Variants in TRHDE observed in about 807,000 individuals in gnomAD.
The protein encoded by TRHDE is thyrotropin-releasing hormone-degrading ectoenzyme.
In TRHDE, 72 loss-of-function variants were observed where a neutral mutation model predicts 125.7. The ratio of observed to expected loss-of-function variants is 0.57; its 90% CI spans 0.47 to 0.70. The LOEUF (loss-of-function observed/expected upper bound fraction) is 0.70. Ranked by LOEUF, TRHDE falls within the 30% of genes least tolerant of loss-of-function variation. TRHDE has a pLI of 0.00. For synonymous variants in TRHDE, 509 were observed against 509.1 expected, an observed-to-expected ratio of 1.00 and a Z score of 0.00; for missense variants, 1,110 against 1,327.1, an observed-to-expected ratio of 0.84 and a Z score of 2.54.
chr12:72,294,867 A>G (rs1029600369), intron 2 of TRHDE, among the ~76,000 whole-genome samples: 2 of 151,930 alleles, frequency 1.3e-5, no homozygotes, highest in African/African-American at 4.8e-5. Flanking sequence ...GTGAGGTGGC[A>G]GGGAGCTGGA....
chr12:72,405,573 T>A (rs578242895), intron 3 of TRHDE, among the ~76,000 whole-genome samples: 2 of 152,168 alleles, frequency 1.3e-5, no homozygotes, highest in African/African-American at 4.8e-5. Context: ...TAATTTTCTA[T>A]CCAAAGTCTT....
At chr12:72,430,318 CATGTATACATATATACATGT>C (rs1335819459) in intron 3 of TRHDE, among the ~76,000 whole-genome samples, 10 of 137,212 alleles carry the variant, frequency 7.3e-5, no homozygotes, top group African/African-American at 1.4e-4. Flanking sequence ...TGTATATATA[CATGTATACATATATACATGT>C]ATATATACAT....
intron 12 of TRHDE, among the ~76,000 whole-genome samples, chr12:72,579,065 A>G (rs1208221121): frequency 1.4e-5 from 2 of 147,272 alleles, no homozygotes; most frequent in East Asian, 2.0e-4. Context: ...TATTGTTTCT[A>G]ATTTTTCACT....
intron 3 of TRHDE, among the ~76,000 whole-genome samples, chr12:72,421,953 A>G (rs536624216): frequency 6.6e-6 from 1 of 152,272 alleles, no homozygotes; most frequent in East Asian, 1.9e-4. Flanking sequence ...CAAATATTTT[A>G]TGGTCCAGAG....
Position 72,441,414 on chromosome 12 carries a change from G to T in TRHDE, c.1316-28344G>T, listed in dbSNP as rs1039656699. On this transcript the variant is annotated intron_variant, in intron 3 of 18. Transcript: ENST00000261180. ...TTCCTACCTCCATGATGACTGTCTTGCTCTTTCTCTGAAAGCCTTCAGTGA... is the reference window on the plus strand; with the variant it reads ...TTCCTACCTCCATGATGACTGTCTTTCTCTTTCTCTGAAAGCCTTCAGTGA... 3.3e-5 allele frequency among the ~76,000 whole-genome samples: 5 copies of T among 151,692 alleles called. No individual in the cohort carries two copies. The Admixed American group carries it at 3.3e-4, about 10-fold the overall frequency.
At chr12:72,243,892 G>A (rs982273858) in intron 2 of TRHDE, among the ~76,000 whole-genome samples, 31 of 152,060 alleles carry the variant, frequency 2.0e-4, no homozygotes, top group African/African-American at 7.0e-4. Context: ...AATATTTTTA[G>A]CTTTATCCTC....
chr12:72,268,531 T>C (rs1316978668), upstream of TRHDE, among the ~76,000 whole-genome samples: 2 of 152,080 alleles, frequency 1.3e-5, no homozygotes, highest in African/African-American at 4.8e-5. Flanking sequence ...TAGAGGAAGA[T>C]GAAGGTGATC....
intron 3 of TRHDE, among the ~76,000 whole-genome samples, chr12:72,416,413 CT>C (rs1359334980): frequency 1.3e-5 from 2 of 151,484 alleles, no homozygotes; most frequent in Admixed American, 6.6e-5. Context: ...CCATTTTTTG[CT>C]TTTTTTTCTC....
intron 15 of TRHDE, among the ~76,000 whole-genome samples, chr12:72,624,668 T>C (rs1192967521): frequency 6.6e-6 from 1 of 151,818 alleles, no homozygotes; most frequent in Non-Finnish European, 1.5e-5. Flanking sequence ...GGATGATAAA[T>C]TGATTGAGTT....
chr12:72,114,124 A>G (rs1008593103), intron 2 of TRHDE, among the ~76,000 whole-genome samples: 30 of 151,376 alleles, frequency 2.0e-4, no homozygotes, highest in African/African-American at 7.3e-4. Context: ...TTCTGAGTTT[A>G]GGTTTATGCC....
rs553642603 is a variant in TRHDE at position 72,133,413 on chromosome 12, G to A, written n.279+27661G>A. Among the ~76,000 whole-genome samples, 3 of 152,200 alleles carry A rather than the reference G, an allele frequency of 2.0e-5. No individual in the cohort carries two copies. The South Asian group carries it at 6.2e-4, about 32-fold the overall frequency. On this transcript the variant is annotated intron_variant and non_coding_transcript_variant, in intron 2 of 4. Coordinates refer to the TRHDE transcript ENST00000548156. ...GCTGAGATTGCTGTGTCGGGTAGAA[G>A]AGGGAGAGATTACAAGAAGAGCAGG...
intron 2 of TRHDE, chr12:72,254,699 T>C (rs1217939185): frequency 6.6e-6 from 1 of 152,224 alleles, no homozygotes; most frequent in Non-Finnish European, 1.5e-5. Flanking sequence ...ACCATCTTCC[T>C]ACTGGTTCCT....
intron 2 of TRHDE, among the ~76,000 whole-genome samples, chr12:72,115,058 T>C (rs1456063868): frequency 1.3e-5 from 2 of 152,022 alleles, no homozygotes; most frequent in African/African-American, 4.8e-5. Flanking sequence ...GTAAATGGGG[T>C]ATCCATCTAT....
chr12:72,294,938 C>T (rs1880230572), intron 2 of TRHDE, among the ~76,000 whole-genome samples: 1 of 151,920 alleles, frequency 6.6e-6, no homozygotes, highest in African/African-American at 2.4e-5. Context: ...CTGGAGCTTG[C>T]CCCGACTTTG....
chr12:72,415,283 T>C (rs1410818597), intron 3 of TRHDE, among the ~76,000 whole-genome samples: 1 of 152,130 alleles, frequency 6.6e-6, no homozygotes, highest in Non-Finnish European at 1.5e-5. Flanking sequence ...TTATGGGATA[T>C]ATGTGATATT....
chr12:72,488,728 T>C (rs894977088), intron 5 of TRHDE, among the ~76,000 whole-genome samples: 8 of 151,956 alleles, frequency 5.3e-5, no homozygotes, highest in African/African-American at 1.9e-4. Context: ...CATGGAACAT[T>C]GTTCAGAATA....
At chr12:72,639,822 A>T (rs908561408) in intron 15 of TRHDE, among the ~76,000 whole-genome samples, 4 of 152,302 alleles carry the variant, frequency 2.6e-5, no homozygotes, top group African/African-American at 9.6e-5. Context: ...TCGGGGGGTC[A>T]GCAGTCAGGG....
intron 1 of TRHDE, among the ~76,000 whole-genome samples, chr12:72,275,694 T>C (rs1879462056): frequency 6.6e-6 from 1 of 152,206 alleles, no homozygotes; most frequent in Non-Finnish European, 1.5e-5. Context: ...ACTGAGCTTG[T>C]TTTGGTCAAT....
chr12:72,633,828 C>T (rs1873599587), intron 15 of TRHDE, among the ~76,000 whole-genome samples: 1 of 152,068 alleles, frequency 6.6e-6, no homozygotes, highest in Admixed American at 6.6e-5. Flanking sequence ...AAACTTGAGA[C>T]ATATTATCAA....
Sources: gnomAD v4.1 joint callset for allele counts (sites outside exome capture counted in the v4.1 genomes callset) on GRCh38, gnomAD v4.1.1 for gene constraint, MANE v1.5 for transcripts, NCBI Gene and HGNC (gene_info 2026-07-23, HGNC 2026-07-21) for gene names.